Variants in IFT74 observed in about 807,000 individuals in gnomAD.
IFT74 encodes the protein intraflagellar transport 74.
In IFT74, 92 loss-of-function variants were observed where a neutral mutation model predicts 96.7. The ratio of observed to expected loss-of-function variants is 0.95; its 90% confidence interval spans 0.80 to 1.13. The LOEUF is 1.13. Among genes scored for constraint, IFT74 ranks in the 50% most tolerant of loss-of-function variants. IFT74 has a pLI of 0.00. For missense variants in IFT74, 811 were observed against 698.2 expected (o/e 1.16, Z -1.82); for synonymous variants, 223 against 213.2 (o/e 1.05, Z -0.40).
intron 14 of IFT74, 35 bp from the exon 15 acceptor site, chr9:27,047,239 C>T (rs781697297): frequency 5.6e-6 from 7 of 1,241,500 alleles, no homozygotes; most frequent in African/African-American, 4.5e-5. Context: ...TTAACTCTAT[C>T]AGCAGTAATC....
rs979306592 is a variant in IFT74 at position 27,065,043 on chromosome 9, C to T, written c.*2307C>T. Reference sequence around the variant, plus strand: ...GACTCTAGAACTGAACCAATCTTTACGCAGAAAGAAAGTAGGAGGAAGATT... The same window carrying T: ...GACTCTAGAACTGAACCAATCTTTATGCAGAAAGAAAGTAGGAGGAAGATT... On this transcript the variant is annotated 3_prime_UTR_variant, in exon 20 of 20. Transcript: ENST00000380062. Among the ~76,000 whole-genome samples, 2 of 151,980 alleles carry T rather than the reference C, an allele frequency of 1.3e-5. No homozygotes were observed. Among genetic ancestry groups the T allele is most frequent in the Admixed American group, 6.6e-5 (1 of 15,254 alleles).
chr9:27,048,095 G>T lies in IFT74; in HGVS notation c.1207-53G>T, dbSNP rs1819771186. 3.0e-6 allele frequency: 4 copies of T among 1,333,886 alleles called. No individual in the cohort carries two copies. The African/African-American group carries it at 5.9e-5, about 20-fold the overall frequency. The allele number at this position is 1,333,886 out of a possible 1,614,324, so 82.6% of individuals were successfully genotyped here. A position where few individuals can be genotyped will look rare whatever the true frequency, so the allele number is the denominator to read the frequency against. ...CAGTGTTTTCCAAGAGTTTTATTGA[G>T]AACTAACTAAATCAGTGGATTTTTT... On this transcript the variant is annotated intron_variant, in intron 15 of 19. Coordinates refer to ENST00000380062, the MANE Select transcript of IFT74 (RefSeq NM_025103.4).
chr9:26,969,817 C>T (rs991750513), intron 2 of IFT74, among the ~76,000 whole-genome samples: 2 of 151,936 alleles, frequency 1.3e-5, no homozygotes, highest in East Asian at 1.9e-4. Flanking sequence ...TGTTGAAGAC[C>T]CCTTTGAACA....
chr9:26,962,688 C>G (rs1587238793), intron 2 of IFT74, among the ~76,000 whole-genome samples: 1 of 152,026 alleles, frequency 6.6e-6, no homozygotes, highest in Admixed American at 6.6e-5. Flanking sequence ...AAAAATGAAA[C>G]CATAAATGTA....
At chr9:26,959,244 G>A (rs916830148) in intron 1 of IFT74, among the ~76,000 whole-genome samples, 11 of 152,122 alleles carry the variant, frequency 7.2e-5, no homozygotes, top group Admixed American at 3.9e-4. Flanking sequence ...GATTGGCTGG[G>A]ACTACAGACA....
intron 10 of IFT74, among the ~76,000 whole-genome samples, chr9:27,016,481 A>G (rs1829348901): frequency 6.6e-6 from 1 of 152,196 alleles, no homozygotes; most frequent in Non-Finnish European, 1.5e-5. Context: ...ACACAATTCA[A>G]CCCACAAAAT....
chr9:27,036,659 C>T (rs1170022875), intron 13 of IFT74: 11 of 1,379,732 alleles, frequency 8.0e-6, no homozygotes, highest in Non-Finnish European at 1.0e-5. Context: ...TCATTGGCTA[C>T]TTGTGTTCAC....
upstream of IFT74, chr9:26,956,012 C>CATGCTTCATGATGCGTTGT (rs1161177824): frequency 6.6e-6 from 1 of 152,120 alleles, no homozygotes; most frequent in Non-Finnish European, 1.5e-5. Flanking sequence ...TACGCTATGC[C>CATGCTTCATGATGCGTTGT]GTCCTAATAG....
intron 12 of IFT74, among the ~76,000 whole-genome samples, chr9:27,020,725 C>T (rs1265913802): frequency 1.3e-5 from 2 of 152,154 alleles, no homozygotes; most frequent in African/African-American, 2.4e-5. Flanking sequence ...CTGCCCGCCT[C>T]GGCCTCCCAA....
At position 26,961,984 on chromosome 9, in the gene IFT74, A is replaced by G. The variant is rs752644039; in HGVS notation, c.17A>G (p.Lys6Arg). The change falls in exon 2 of 20, where the codon AAA (lysine) becomes AGA (arginine). Residue 6 changes from lysine to arginine, a missense_variant. Coordinates refer to ENST00000380062, the MANE Select transcript of IFT74 (RefSeq NM_025103.4). Reference protein sequence around the residue: MASNHKSSAARPVSRG... With the variant: MASNHRSSAARPVSRG... ...GAAGAAACAATGGCCAGCAATCACAAATCTTCAGCAGCTCGCCCTGTTTCA... is the reference window on the plus strand; with the variant it reads ...GAAGAAACAATGGCCAGCAATCACAGATCTTCAGCAGCTCGCCCTGTTTCA... 21 of 1,614,106 alleles carry G rather than the reference A, an allele frequency of 1.3e-5. 1 individual carries two copies. The Admixed American group carries it at 1.5e-4, about 12-fold the overall frequency.
intron 2 of IFT74, among the ~76,000 whole-genome samples, chr9:26,975,788 G>T (rs946587113): frequency 6.6e-6 from 1 of 152,120 alleles, no homozygotes; most frequent in Non-Finnish European, 1.5e-5. Context: ...CATTGTTAAG[G>T]CTCAGTCCCT....
intron 13 of IFT74, among the ~76,000 whole-genome samples, chr9:27,032,346 A>G (rs1397351737): frequency 6.6e-6 from 1 of 152,118 alleles, no homozygotes; most frequent in Admixed American, 6.6e-5. Flanking sequence ...TTGCGGGAGG[A>G]TCAAAATTAG....
intron 13 of IFT74, among the ~76,000 whole-genome samples, chr9:27,042,334 T>C (rs1486425215): frequency 6.6e-6 from 1 of 151,866 alleles, no homozygotes; most frequent in Admixed American, 6.6e-5. Flanking sequence ...AGCAGACCCA[T>C]GAAGAGAAGA....
At chr9:26,975,982 C>G (rs1056838194) in intron 2 of IFT74, among the ~76,000 whole-genome samples, 1 of 152,224 alleles carries the variant, frequency 6.6e-6, no homozygotes, top group Non-Finnish European at 1.5e-5. Flanking sequence ...TTAACATCAT[C>G]TACATACACT....
intron 2 of IFT74, among the ~76,000 whole-genome samples, chr9:26,966,554 AC>A (rs1034830035): frequency 5.3e-5 from 8 of 151,686 alleles, no homozygotes; most frequent in Admixed American, 3.9e-4. Context: ...TTGTTGGAGC[AC>A]CTTATATATT....
At chr9:27,040,544 C>CAAAAAAAAAAAAAAAAAAAA (rs751893169) in intron 13 of IFT74, among the ~76,000 whole-genome samples, 19 of 62,070 alleles carry the variant, frequency 3.1e-4, no homozygotes, top group African/African-American at 1.0e-3. Context: ...GACACTGTCT[C>CAAAAAAAAAAAAAAAAAAAA]AAAAAAAAAA....
chr9:26,966,610 C>T (rs920594521), intron 2 of IFT74, among the ~76,000 whole-genome samples: 7 of 151,984 alleles, frequency 4.6e-5, no homozygotes, highest in Non-Finnish European at 8.8e-5. Flanking sequence ...CATATATTTT[C>T]TCCTATTATG....
upstream of IFT74, among the ~76,000 whole-genome samples, chr9:26,954,203 A>G (rs1391721424): frequency 6.6e-6 from 1 of 152,204 alleles, no homozygotes; most frequent in African/African-American, 2.4e-5. Flanking sequence ...TAAAATAATT[A>G]AATTGGAGGC....
chr9:27,055,464 T>G (rs1005230421), intron 16 of IFT74, 145 bp from the exon 17 acceptor site: 3 of 551,482 alleles, frequency 5.4e-6, no homozygotes, highest in Non-Finnish European at 9.0e-6. Flanking sequence ...TTTTCTTAGT[T>G]TATATTATCT....
Sources: gnomAD v4.1 joint callset for allele counts (sites outside exome capture counted in the v4.1 genomes callset) on GRCh38, gnomAD v4.1.1 for gene constraint, MANE v1.5 for transcripts, NCBI Gene and HGNC (gene_info 2026-07-23, HGNC 2026-07-21) for gene names.